Variants in HDAC2 observed in about 807,000 individuals in gnomAD.
HDAC2 encodes the protein histone deacetylase 2.
A neutral mutation model predicts 68.5 loss-of-function variants in HDAC2; 5 were observed. The observed-to-expected ratio is 0.07, with a 90% CI of 0.04 to 0.15. HDAC2 has a LOEUF of 0.15. Among genes scored for constraint, HDAC2 ranks in the 10% least tolerant of loss-of-function variants. The probability of loss-of-function intolerance (pLI) is 1.00; values close to 1 mark genes in which losing one functional copy is unlikely to be tolerated. For missense variants in HDAC2, 291 were observed against 600.8 expected (o/e 0.48, Z 5.39); for synonymous variants, 182 against 191.3 (o/e 0.95, Z 0.40).
At chr6:113,958,044 T>G (rs999906916) in intron 3 of HDAC2, among the ~76,000 whole-genome samples, 1 of 152,210 alleles carries the variant, frequency 6.6e-6, no homozygotes, top group Admixed American at 6.5e-5. Flanking sequence ...ATCACTGAAG[T>G]CAGTCAATAC....
chr6:113,943,604 C>T, intron 11 of HDAC2, 98 bp from the exon 12 acceptor site: 5 of 774,026 alleles, frequency 6.5e-6, no homozygotes, highest in Non-Finnish European at 9.6e-6. Flanking sequence ...TTAGTTACCA[C>T]ATTTAAACGT....
rs563559142 is a variant in HDAC2, at chr6:113,938,486, C to T, written c.*2572G>A. The stretch of plus-strand genomic sequence containing the variant: ...TTTGGTGTCACACTTAGGCCTTCTT[C>T]AATCCATTTGCTTTAAGAGTTTAGG... On this transcript the variant is annotated 3_prime_UTR_variant, in exon 14 of 14. Transcript: ENST00000519065. 6.6e-6 allele frequency: 1 copy of T among 152,124 alleles called. No homozygotes were observed. Among genetic ancestry groups the T allele is most frequent in the Non-Finnish European group, 1.5e-5 (1 of 68,018 alleles). 9.4% of individuals were successfully genotyped at this position (152,124 alleles called of 1,614,324 possible).
intron 5 of HDAC2, among the ~76,000 whole-genome samples, chr6:113,955,703 G>A (rs12665116): frequency 0.22 from 33,951 of 151,870 alleles, 3,983 homozygotes; most frequent in East Asian, 0.3. Flanking sequence ...TAGAGATGGG[G>A]TTTTGCCATG....
rs563955345 is a variant in HDAC2 at position 113,958,703 on chromosome 6, G to A, written c.229C>T (p.Leu77=). The change falls in exon 3 of 14, where the codon CTA becomes TTA. Residue 77 remains leucine, a synonymous_variant. Transcript: ENST00000519065. ...KYHSDEYIKF[L]RSIRPDNMSE... ...ATGTTATCTGGTCTTATTGACCGTA[G>A]AAATTTGATATACTCATCACTGTGA... 194 of 1,609,342 alleles carry A rather than the reference G, an allele frequency of 1.2e-4. 2 individuals are homozygous for A. The South Asian group carries it at 1.8e-3, about 15-fold the overall frequency.
Position 113,946,078 on chromosome 6 carries a change from G to A in HDAC2, c.912C>T (p.Tyr304=), listed in dbSNP as rs1182747284. 1.9e-6 allele frequency: 3 copies of A among 1,612,646 alleles called. No individual in the cohort carries two copies. Among genetic ancestry groups the A allele is most frequent in the South Asian group, 1.1e-5 (1 of 91,076 alleles). Reference sequence around the variant, plus strand: ...AACATCGAGCAACATTACGGATTGTGTAGCCACCTCCTCCAAGCATCAGTA... The same window carrying A: ...AACATCGAGCAACATTACGGATTGTATAGCCACCTCCTCCAAGCATCAGTA... ...LPLLMLGGGG[Y]TIRNVARCWT... The change falls in exon 9 of 14, where the codon TAC becomes TAT. Residue 304 remains tyrosine, a synonymous_variant. Transcript: ENST00000519065.
intron 1 of HDAC2, among the ~76,000 whole-genome samples, chr6:113,961,077 T>C (rs1001058190): frequency 5.3e-5 from 8 of 152,118 alleles, no homozygotes; most frequent in Non-Finnish European, 1.2e-4. Flanking sequence ...CCCATGAATT[T>C]TGCTATCTGT....
chr6:113,970,460 C>A, intron 1 of HDAC2: 1 of 1,066,856 alleles, frequency 9.4e-7, no homozygotes, highest in Non-Finnish European at 1.1e-6. Flanking sequence ...GGTAGGAGGC[C>A]GACGCGGGGC....
chr6:113,970,650 C>T (rs1776973116), intron 1 of HDAC2: 2 of 1,351,900 alleles, frequency 1.5e-6, no homozygotes, highest in Non-Finnish European at 9.4e-7. Context: ...GGCGGGCCCC[C>T]TGATTCCCGC....
At chr6:113,955,050 T>C (rs1033742037) in intron 5 of HDAC2, among the ~76,000 whole-genome samples, 18 of 152,230 alleles carry the variant, frequency 1.2e-4, no homozygotes, top group Admixed American at 6.5e-4. Flanking sequence ...CCTTTAACAC[T>C]GGCTTCAAAT....
intron 1 of HDAC2, among the ~76,000 whole-genome samples, chr6:113,960,428 G>C (rs1016017510): frequency 6.6e-5 from 10 of 151,904 alleles, no homozygotes; most frequent in Non-Finnish European, 1.5e-4. Flanking sequence ...TGATTTGCTG[G>C]CATTTCAGAA....
chr6:113,944,589 C>T (rs1020786923), intron 10 of HDAC2, among the ~76,000 whole-genome samples, 179 bp from the exon 11 acceptor site: 20 of 152,108 alleles, frequency 1.3e-4, no homozygotes, highest in African/African-American at 4.3e-4. Flanking sequence ...ACTGCAGCCT[C>T]AAACTCCTGG....
Position 113,952,503 on chromosome 6 carries a change from G to A in HDAC2, c.639+774C>T, listed in dbSNP as rs572132376. On this transcript the variant is annotated intron_variant, in intron 6 of 13. Coordinates refer to ENST00000519065, the MANE Select transcript of HDAC2 (RefSeq NM_001527.4). ...TAAACTGTAATGATATACCACAGAT[G>A]TGAAAAATAATCTTAATAAAATAGT... Among the ~76,000 whole-genome samples the A allele has an allele frequency of 7.2e-5, 11 of 152,282 alleles. No homozygotes were observed. The East Asian group carries it at 1.2e-3, about 16-fold the overall frequency.
At chr6:113,944,683 A>ATATTTTTTGCAGACTATTTTTTGC (rs772045135) in intron 10 of HDAC2, among the ~76,000 whole-genome samples, 18 of 152,214 alleles carry the variant, frequency 1.2e-4, no homozygotes, top group Non-Finnish European at 1.9e-4. Context: ...TTTTGCAGAC[A>ATATTTTTTGCAGACTATTTTTTGC]AGGTCTCACT....
At chr6:113,962,356 A>G in intron 1 of HDAC2, 1 of 902,236 alleles carries the variant, frequency 1.1e-6, no homozygotes, top group Non-Finnish European at 1.3e-6. Context: ...GGGAATGTCA[A>G]GGACACTTAC....
chr6:113,963,599 T>A (rs1350261163), intron 1 of HDAC2, among the ~76,000 whole-genome samples: 1 of 152,230 alleles, frequency 6.6e-6, no homozygotes, highest in African/African-American at 2.4e-5. Context: ...AAGGAAATGC[T>A]AACTGGAGCA....
At position 113,939,556 on chromosome 6, in the gene HDAC2, T is replaced by C. The variant is rs3757016; in HGVS notation, c.*1502A>G. Reference sequence around the variant, plus strand: ...ATCCCCCTAACGAAGGGACTAAGTTTCTTAGTTCCTAATGTCATAAAGGTT... The same window carrying C: ...ATCCCCCTAACGAAGGGACTAAGTTCCTTAGTTCCTAATGTCATAAAGGTT... On this transcript the variant is annotated 3_prime_UTR_variant, in exon 14 of 14. Transcript: ENST00000519065. 0.53 allele frequency: 79,851 copies of C among 152,028 alleles called. 21,290 individuals are homozygous for C. Among genetic ancestry groups the C allele is most frequent in the East Asian group, 0.68 (3,508 of 5,176 alleles). 9.4% of individuals were successfully genotyped at this position (152,028 alleles called of 1,614,324 possible).
At chr6:113,969,226 T>C (rs542915300) in intron 1 of HDAC2, among the ~76,000 whole-genome samples, 1 of 152,362 alleles carries the variant, frequency 6.6e-6, no homozygotes, top group South Asian at 2.1e-4. Flanking sequence ...AATGCATATC[T>C]AGTCCTCTGA....
rs1776258341 is a variant in HDAC2 at position 113,946,125 on chromosome 6, C to T, written c.865G>A (p.Val289Ile). Reference sequence around the variant, plus strand: ...AGTAATGGTAAGTTAAAAGTTTTTACAACTTCTACACATTTAGCATGACCT... The same window carrying T: ...AGTAATGGTAAGTTAAAAGTTTTTATAACTTCTACACATTTAGCATGACCT... ...VKGHAKCVEV[V>I]KTFNLPLLML... is the part of the protein sequence containing the mutation. The change falls in exon 9 of 14, where the codon GTA (valine) becomes ATA (isoleucine). Residue 289 changes from valine (V) to isoleucine (I), a missense_variant. Val to Ile is a conservative substitution (Grantham distance 29, BLOSUM62 3). Around this residue, in one of 2 missense-constraint regions of HDAC2, gnomAD observed 154 missense variants for 472.1 expected, o/e 0.33. Coordinates refer to ENST00000519065, the MANE Select transcript of HDAC2 (RefSeq NM_001527.4). 6.2e-7 allele frequency: 1 copy of T among 1,613,422 alleles called. No homozygotes were observed. The highest frequency in any genetic ancestry group is 1.7e-5 in the Admixed American group (1 of 60,012).
At position 113,933,805 on chromosome 6, in the gene HDAC2, A is replaced by G. The variant is rs1384347504; in HGVS notation, c.*7253T>C. On this transcript the variant is annotated 3_prime_UTR_variant, in exon 14 of 14. Transcript: ENST00000519065. ...CATACACACACATATATACACATGTATATATATATATGTGTGTGTATACAT... is the reference window on the plus strand; with the variant it reads ...CATACACACACATATATACACATGTGTATATATATATGTGTGTGTATACAT... 1.3e-5 allele frequency: 2 copies of G among 151,326 alleles called. No individual in the cohort carries two copies. Among genetic ancestry groups the G allele is most frequent in the African/African-American group, 4.9e-5 (2 of 41,204 alleles). The allele number at this position is 151,326 out of a possible 1,614,324, so 9.4% of individuals were successfully genotyped here. A position where few individuals can be genotyped will look rare whatever the true frequency, so the allele number is the denominator to read the frequency against.
Sources: gnomAD v4.1 joint callset for allele counts (sites outside exome capture counted in the v4.1 genomes callset) on GRCh38, gnomAD v4.1.1 for gene constraint, gnomAD v4.1.1 regional missense constraint, MANE v1.5 for transcripts, NCBI Gene and HGNC (gene_info 2026-07-23, HGNC 2026-07-21) for gene names.